The following PDE1C variants were observed in gnomAD, a reference collection of about 807,000 sequenced individuals.
PDE1C encodes dual specificity calcium/calmodulin-dependent 3',5'-cyclic nucleotide phosphodiesterase 1C.
PDE1C carries 62 observed loss-of-function variants against 93.1 expected under a neutral mutation model. The observed-to-expected ratio is 0.67, with a 90% CI of 0.54 to 0.82. PDE1C has a LOEUF of 0.82. Ranked by LOEUF, PDE1C falls within the 40% of genes least tolerant of loss-of-function variation. The pLI is 0.00. For missense variants in PDE1C, 742 were observed against 884.6 expected (o/e 0.84, Z 2.04); for synonymous variants, 325 against 310.1 (o/e 1.05, Z -0.50).
At chr7:32,401,549 G>A (rs1050161680) in intron 1 of PDE1C, among the ~76,000 whole-genome samples, 1 of 150,230 alleles carries the variant, frequency 6.7e-6, no homozygotes, top group Non-Finnish European at 1.5e-5. Context: ...AAAAAAAAAA[G>A]AAAGAAAGAA....
In PDE1C at chr7:31,789,805, T is replaced by C. The variant is rs1226027210; in HGVS notation, c.1892-14073A>G. On this transcript the variant is annotated intron_variant, in intron 16 of 17. Transcript: ENST00000396191. ...AGTAGCCAGTGCAAAAATGACAACA[T>C]TTAAAGTAACGGCATTGACAGTCAT... The C allele has an allele frequency of 3.0e-6, 3 of 992,496 alleles. No individual in the cohort carries two copies. In the African/African-American group the frequency reaches 5.2e-5, roughly 17 times the overall value. The allele number at this position is 992,496 out of a possible 1,614,324, so 61.5% of individuals were successfully genotyped here. A position where few individuals can be genotyped will look rare whatever the true frequency, so the allele number is the denominator to read the frequency against.
chr7:32,299,014 A>C, exon 1 of PDE1C: 1 of 1,231,990 alleles, frequency 8.1e-7, no homozygotes, highest in Non-Finnish European at 1.0e-6. Context: ...GAGTGTCAGG[A>C]AGGGAGGACG....
At chr7:31,688,896 T>C in the PDE1C span, among the ~76,000 whole-genome samples, 1 of 152,232 alleles carries the variant, frequency 6.6e-6, no homozygotes, top group African/African-American at 2.4e-5. Flanking sequence ...TTAAGAAATC[T>C]GAAACATTTT....
the PDE1C span, among the ~76,000 whole-genome samples, chr7:31,704,580 A>T: frequency 6.6e-6 from 1 of 152,242 alleles, no homozygotes; most frequent in Admixed American, 6.5e-5. Context: ...ATAGCGGAGA[A>T]GGATGTATTG....
chr7:32,026,610 G>C (rs1219901134), intron 2 of PDE1C, among the ~76,000 whole-genome samples: 1 of 152,118 alleles, frequency 6.6e-6, no homozygotes, highest in Non-Finnish European at 1.5e-5. Context: ...TTAAAAGACA[G>C]TTTGGCAGAT....
the PDE1C span, among the ~76,000 whole-genome samples, chr7:31,636,328 T>G: frequency 6.6e-6 from 1 of 152,224 alleles, no homozygotes; most frequent in Non-Finnish European, 1.5e-5. Context: ...TGTGCTAGTG[T>G]TCTAACGTAT....
the PDE1C span, among the ~76,000 whole-genome samples, chr7:31,702,732 T>C: frequency 6.6e-6 from 1 of 152,206 alleles, no homozygotes; most frequent in African/African-American, 2.4e-5. Context: ...CTGCCTTATG[T>C]TTCTGGTATT....
chr7:31,820,631 G>A (rs962109554), intron 14 of PDE1C: 2 of 152,016 alleles, frequency 1.3e-5, no homozygotes, highest in African/African-American at 4.8e-5. Context: ...AGCCTTTCTT[G>A]AAATCAGGGT....
chr7:31,868,708 CAG>C (rs1185736454), intron 6 of PDE1C, among the ~76,000 whole-genome samples: 2 of 151,766 alleles, frequency 1.3e-5, no homozygotes, highest in Non-Finnish European at 2.9e-5. Flanking sequence ...GATTCCCAAA[CAG>C]ATACAATTCA....
At chr7:32,225,615 C>T (rs1252036717) in intron 1 of PDE1C, among the ~76,000 whole-genome samples, 1 of 152,150 alleles carries the variant, frequency 6.6e-6, no homozygotes, top group African/African-American at 2.4e-5. Flanking sequence ...CAAAAATATA[C>T]TGCCCTTGAG....
At chr7:31,675,009 G>A in the PDE1C span, among the ~76,000 whole-genome samples, 9 of 152,302 alleles carry the variant, frequency 5.9e-5, 1 homozygote, top group South Asian at 8.3e-4. Context: ...TGGCAAAAAG[G>A]CTTACGCTTG....
At chr7:32,401,892 C>T (rs1478932693) in intron 1 of PDE1C, among the ~76,000 whole-genome samples, 2 of 152,130 alleles carry the variant, frequency 1.3e-5, no homozygotes, top group Non-Finnish European at 2.9e-5. Flanking sequence ...GAGTTCAAAT[C>T]CTGGCTTGTA....
intron 2 of PDE1C, among the ~76,000 whole-genome samples, chr7:32,208,709 T>A (rs372176053): frequency 3.3e-5 from 5 of 151,900 alleles, no homozygotes; most frequent in Admixed American, 3.3e-4. Context: ...GTCTCTAGTA[T>A]TTTCCCCCCC....
intron 2 of PDE1C, among the ~76,000 whole-genome samples, chr7:32,041,050 T>C (rs984997794): frequency 2.6e-5 from 4 of 152,152 alleles, no homozygotes; most frequent in Admixed American, 1.3e-4. Context: ...GCCTTCTGCA[T>C]AGTGGTCACT....
At chr7:31,749,345 G>A (rs1562733745), downstream of PDE1C, among the ~76,000 whole-genome samples, 1 of 152,106 alleles carries the variant, frequency 6.6e-6, no homozygotes, top group Admixed American at 6.6e-5. Flanking sequence ...TATTTATTGG[G>A]TTCTTTCCTT....
chr7:31,936,120 A>G (rs771300865), intron 2 of PDE1C, among the ~76,000 whole-genome samples: 28 of 149,484 alleles, frequency 1.9e-4, no homozygotes, highest in South Asian at 1.5e-3. Flanking sequence ...GATCTGACAA[A>G]TAAGTTTTTT....
At chr7:31,698,009 T>C in the PDE1C span, among the ~76,000 whole-genome samples, 7,459 of 152,266 alleles carry the variant, frequency 0.049, 247 homozygotes, top group Middle Eastern at 0.099. Flanking sequence ...CAGATAAAAT[T>C]ATGATCAAGA....
chr7:31,959,569 A>G (rs1808629895), intron 2 of PDE1C, among the ~76,000 whole-genome samples: 1 of 152,214 alleles, frequency 6.6e-6, no homozygotes, highest in Non-Finnish European at 1.5e-5. Flanking sequence ...AATCCAGAAG[A>G]AAAGAAATTA....
At chr7:31,860,868 A>G (rs1374085189) in intron 7 of PDE1C, among the ~76,000 whole-genome samples, 2 of 152,124 alleles carry the variant, frequency 1.3e-5, no homozygotes, top group Non-Finnish European at 2.9e-5. Flanking sequence ...CATTTGTCAG[A>G]TTTTTTGGGG....
Sources: allele counts gnomAD v4.1 joint callset (sites outside exome capture counted in the v4.1 genomes callset), GRCh38; gene constraint gnomAD v4.1.1; transcripts MANE v1.5; gene names NCBI Gene and HGNC (gene_info 2026-07-23, HGNC 2026-07-21).